The following ANKS1B variants were observed in gnomAD, a reference collection of about 807,000 sequenced individuals.
ANKS1B encodes ankyrin repeat and sterile alpha motif domain containing 1B, also known as ankyrin repeat and sterile alpha motif domain-containing protein 1B.
ANKS1B carries 36 observed loss-of-function variants against 148.3 expected under a neutral mutation model. That is an observed-to-expected ratio of 0.24 (90% CI 0.19 to 0.32). The LOEUF (loss-of-function observed/expected upper bound fraction) is 0.32. ANKS1B is among the 10% of genes least tolerant of loss of function. ANKS1B has a pLI of 1.00. For missense variants in ANKS1B, 1,157 were observed against 1,542.6 expected, an observed-to-expected ratio of 0.75 and a Z score of 4.19; for synonymous variants, 542 against 560.8, an observed-to-expected ratio of 0.97 and a Z score of 0.47.
At chr12:99,641,856 T>A (rs1329270500) in intron 9 of ANKS1B, among the ~76,000 whole-genome samples, 1 of 151,998 alleles carries the variant, frequency 6.6e-6, no homozygotes, top group Non-Finnish European at 1.5e-5. Context: ...AGCTATTCCG[T>A]CTATTTTTTT....
chr12:98,735,719 G>T, intron 9 of ANKS1B: 1 of 621,542 alleles, frequency 1.6e-6, no homozygotes, highest in Admixed American at 2.1e-5. Context: ...CATGTGCCTG[G>T]CATTGTGGTA....
chr12:99,529,177 C>A lies in ANKS1B; in HGVS notation c.1273-24536G>T, dbSNP rs139341794. 4.3e-3 allele frequency among the ~76,000 whole-genome samples: 660 copies of A among 152,188 alleles called. 6 individuals carry two copies. Among genetic ancestry groups the A allele is most frequent in the African/African-American group, 0.015 (625 of 41,522 alleles). Reference sequence around the variant, plus strand: ...GTCAGGTAAAACTAAATAGGAACCACCTTTGTACAAATCCTCAAAAAAAGA... The same window carrying A: ...GTCAGGTAAAACTAAATAGGAACCAACTTTGTACAAATCCTCAAAAAAAGA... On this transcript the variant is annotated intron_variant, in intron 9 of 26. Coordinates refer to ENST00000683438, the MANE Select transcript of ANKS1B (RefSeq NM_001352186.2).
chr12:99,726,934 C>T (rs2058674371), intron 8 of ANKS1B, among the ~76,000 whole-genome samples: 1 of 152,122 alleles, frequency 6.6e-6, no homozygotes, highest in Non-Finnish European at 1.5e-5. Flanking sequence ...TGATAAAATT[C>T]AACATGTCTT....
At chr12:99,648,581 A>C (rs769374232) in intron 9 of ANKS1B, 2 of 1,614,114 alleles carry the variant, frequency 1.2e-6, no homozygotes, top group Non-Finnish European at 1.7e-6. Flanking sequence ...AGCGTAAAAA[A>C]ACAGCTCCAC....
intron 17 of ANKS1B, among the ~76,000 whole-genome samples, chr12:99,047,272 T>C (rs1274256959): frequency 2.0e-5 from 3 of 152,118 alleles, no homozygotes; most frequent in African/African-American, 4.8e-5. Context: ...TGGTGTCGCA[T>C]GCCTGCAGTC....
At chr12:99,519,650 C>A (rs1167670502) in intron 9 of ANKS1B, among the ~76,000 whole-genome samples, 4 of 152,018 alleles carry the variant, frequency 2.6e-5, no homozygotes, top group Admixed American at 6.6e-5. Flanking sequence ...AGGCACAGAT[C>A]ATTGGCTCTT....
At chr12:99,230,973 C>T (rs2086745454) in intron 14 of ANKS1B, among the ~76,000 whole-genome samples, 1 of 152,070 alleles carries the variant, frequency 6.6e-6, no homozygotes, top group Admixed American at 6.6e-5. Flanking sequence ...AAAAATAGTA[C>T]TGTAAAAAGA....
chr12:99,524,456 C>A lies in ANKS1B; in HGVS notation c.1273-19815G>T, dbSNP rs137875724. Among the ~76,000 whole-genome samples the A allele has an allele frequency of 4.0e-4, 61 of 152,202 alleles. 1 individual carries two copies. The highest frequency in any genetic ancestry group is 1.4e-3 in the African/African-American group (57 of 41,526). On this transcript the variant is annotated intron_variant, in intron 9 of 26. Transcript: ENST00000683438. Reference sequence around the variant, plus strand: ...TATGAGGAGATCATACTGCATTATCCAGGTGGCCCACTATACTCAGAAAGG... The same window carrying A: ...TATGAGGAGATCATACTGCATTATCAAGGTGGCCCACTATACTCAGAAAGG...
At chr12:98,924,475 T>A (rs887274220) in intron 17 of ANKS1B, among the ~76,000 whole-genome samples, 2 of 152,202 alleles carry the variant, frequency 1.3e-5, no homozygotes, top group Non-Finnish European at 2.9e-5. Context: ...ACTCTAAGTG[T>A]CCTTTGTGGA....
chr12:99,727,354 C>G (rs1162907649), intron 8 of ANKS1B, among the ~76,000 whole-genome samples: 1 of 151,846 alleles, frequency 6.6e-6, no homozygotes, highest in Non-Finnish European at 1.5e-5. Flanking sequence ...AATAGACAAG[C>G]AGAGGACCAA....
At chr12:98,992,998 G>C (rs1037115817) in intron 17 of ANKS1B, among the ~76,000 whole-genome samples, 2 of 152,044 alleles carry the variant, frequency 1.3e-5, no homozygotes, top group Non-Finnish European at 2.9e-5. Context: ...TCTTTGACTT[G>C]TTTTGAAGCC....
intron 8 of ANKS1B, among the ~76,000 whole-genome samples, chr12:99,748,495 TA>T (rs1310594237): frequency 6.6e-6 from 1 of 152,014 alleles, no homozygotes; most frequent in Admixed American, 6.6e-5. Flanking sequence ...TAGAAAACAT[TA>T]TTTTGTTTCT....
intron 8 of ANKS1B, among the ~76,000 whole-genome samples, chr12:99,659,770 C>T (rs551773312): frequency 7.2e-5 from 11 of 152,118 alleles, no homozygotes; most frequent in African/African-American, 2.4e-4. Flanking sequence ...AAGAATTATC[C>T]CTATTTTACA....
At chr12:99,511,753 A>G (rs562412594) in intron 9 of ANKS1B, among the ~76,000 whole-genome samples, 3 of 152,174 alleles carry the variant, frequency 2.0e-5, no homozygotes, top group Admixed American at 1.3e-4. Context: ...CTCAGAAATA[A>G]TATCACACAT....
Position 98,957,443 on chromosome 12 carries a change from G to A in ANKS1B, c.2778+95714C>T, listed in dbSNP as rs575617621. Among the ~76,000 whole-genome samples, 168 of 152,048 alleles carry A rather than the reference G, an allele frequency of 1.1e-3. 1 individual carries two copies. The highest frequency in any genetic ancestry group is 3.9e-3 in the African/African-American group (163 of 41,484). ...GTTCACTGCAAGCTCCGCCTCCTGG[G>A]TTCACGCCATGCTCCTGCCTTAGCC... On this transcript the variant is annotated intron_variant, in intron 17 of 26. Transcript: ENST00000683438.
At chr12:99,749,763 C>T (rs1422150380) in intron 8 of ANKS1B, among the ~76,000 whole-genome samples, 1 of 151,910 alleles carries the variant, frequency 6.6e-6, no homozygotes, top group Non-Finnish European at 1.5e-5. Context: ...AGGTCCAGGG[C>T]TATATTGGTG....
At chr12:99,441,415 T>C (rs2095547967) in intron 11 of ANKS1B, among the ~76,000 whole-genome samples, 1 of 151,834 alleles carries the variant, frequency 6.6e-6, no homozygotes, top group Admixed American at 6.6e-5. Flanking sequence ...CTCATAAGTA[T>C]TTCCATGTGA....
In ANKS1B at chr12:99,257,243, CA is replaced by C. The variant is rs530506432; in HGVS notation, c.1757-10380del. On this transcript the variant is annotated intron_variant, in intron 12 of 26. Coordinates refer to ENST00000683438, the MANE Select transcript of ANKS1B (RefSeq NM_001352186.2). ...GGGGCAACACAGCGAGACTCCGTCT[CA>C]AAAAAAAAAAAATTATTTCATCCCG... 2.1e-3 allele frequency among the ~76,000 whole-genome samples: 299 copies of C among 140,164 alleles called. 9 individuals are homozygous for C. In the South Asian group the frequency reaches 0.042, roughly 20 times the overall value. 92.0% of individuals were successfully genotyped at this position (140,164 alleles called of 152,430 possible). A position where few individuals can be genotyped will look rare whatever the true frequency, so the allele number is the denominator to read the frequency against.
chr12:98,963,270 C>T (rs941205297), intron 17 of ANKS1B, among the ~76,000 whole-genome samples: 1 of 151,696 alleles, frequency 6.6e-6, no homozygotes, highest in Admixed American at 6.6e-5. Flanking sequence ...ACCTGAACCT[C>T]CTGGGTTCAA....
Sources: allele counts gnomAD v4.1 joint callset (sites outside exome capture counted in the v4.1 genomes callset), GRCh38; gene constraint gnomAD v4.1.1; transcripts MANE v1.5; gene names NCBI Gene and HGNC (gene_info 2026-07-23, HGNC 2026-07-21).